KLK2: variants seen among roughly 807,000 people sequenced by gnomAD.
KLK2 encodes kallikrein-2.
In KLK2, 17 loss-of-function variants were observed where a neutral mutation model predicts 23.0. The observed-to-expected ratio is 0.74, with a 90% CI of 0.51 to 1.11. The LOEUF (loss-of-function observed/expected upper bound fraction) is 1.11. Ranked by LOEUF, KLK2 falls within the 50% of genes least tolerant of loss-of-function variation. The pLI is 0.00. For synonymous variants in KLK2, 140 were observed against 124.7 expected (o/e 1.12, Z -0.82); for missense variants, 330 against 325.9 (o/e 1.01, Z -0.10).
At chr19:50,878,015 C>T (rs1465394882) in intron 4 of KLK2, among the ~76,000 whole-genome samples, 2 of 152,158 alleles carry the variant, frequency 1.3e-5, no homozygotes, top group African/African-American at 2.4e-5. Context: ...CTCCATGGCT[C>T]CCCAATGCCC....
chr19:50,876,347 C>A, intron 2 of KLK2, 125 bp from the exon 3 acceptor site: 1 of 804,528 alleles, frequency 1.2e-6, no homozygotes, highest in Non-Finnish European at 2.0e-6. Flanking sequence ...GACTATATCT[C>A]CCCGACCCCT....
chr19:50,873,991 A>C (rs2090257277), intron 1 of KLK2: 1 of 157,852 alleles, frequency 6.3e-6, no homozygotes. Flanking sequence ...AGATTCCACC[A>C]GACACTTCCT....
At chr19:50,873,627 C>G in intron 1 of KLK2, 108 bp downstream of exon 1, 1 of 756,740 alleles carries the variant, frequency 1.3e-6, no homozygotes, top group South Asian at 1.7e-5. Flanking sequence ...ACAGTTCAGC[C>G]CAGACAATGT....
At chr19:50,874,517 A>C in intron 1 of KLK2, 1 of 506,874 alleles carries the variant, frequency 2.0e-6, no homozygotes. Context: ...TCAGAGCATG[A>C]AGCCTCCCGA....
Position 50,880,342 on chromosome 19 carries a change from C to T in KLK2, c.*1783C>T, listed in dbSNP as rs988120779. The T allele has an allele frequency of 1.8e-5, 4 of 224,898 alleles. No individual in the cohort carries two copies. Among genetic ancestry groups the T allele is most frequent in the Admixed American group, 5.7e-5 (1 of 17,478 alleles). 13.9% of individuals were successfully genotyped at this position (224,898 alleles called of 1,614,324 possible). ...AGACGGTGGGGCAAACTCTGATTTC[C>T]GTGGGGGAATGTCATGGTCTTGCTT... On this transcript the variant is annotated 3_prime_UTR_variant, in exon 5 of 5. Coordinates refer to ENST00000325321, the MANE Select transcript of KLK2 (RefSeq NM_005551.5).
Position 50,876,790 on chromosome 19 carries a change from C to T in KLK2, c.493+32C>T, listed in dbSNP as rs372399365. The T allele has an allele frequency of 1.9e-5, 30 of 1,610,372 alleles. No homozygotes were observed. The African/African-American group carries it at 2.8e-4, about 15-fold the overall frequency. ...CTGGGCCAGATGGTGTAGCTGGGAG[C>T]CCAGATGCCTGGGTCTGAGGGAAGT... On this transcript the variant is annotated intron_variant, in intron 3 of 4. Transcript: ENST00000325321.
At position 50,876,774 on chromosome 19, in the gene KLK2, A is replaced by AT; in HGVS notation, c.493+17dup. 6.2e-7 allele frequency: 1 copy of AT among 1,612,992 alleles called. No homozygotes were observed. The highest frequency in any genetic ancestry group is 8.5e-7 in the Non-Finnish European group (1 of 1,179,286). On this transcript the variant is annotated intron_variant, in intron 3 of 4. Coordinates refer to ENST00000325321, the MANE Select transcript of KLK2 (RefSeq NM_005551.5). ...CCAGAGGAGTGTACGCCTGGGCCAG[A>AT]TGGTGTAGCTGGGAGCCCAGATGCC...
At chr19:50,874,351 A>G (rs73592857) in intron 1 of KLK2, 9,057 of 176,442 alleles carry the variant, frequency 0.051, 336 homozygotes, top group African/African-American at 0.098. Flanking sequence ...TGGTTTCTGG[A>G]ACCTCTTATT....
Position 50,876,880 on chromosome 19 carries a change from C to T in KLK2, c.502C>T (p.Pro168Ser), listed in dbSNP as rs770705091. The change falls in exon 4 of 5, where the codon CCC (proline) becomes TCC (serine). Residue 168 changes from proline (P) to serine (S), a missense_variant. Physicochemically the swap from Pro to Ser is moderately conservative, Grantham distance 74 (BLOSUM62 -1). Coordinates refer to ENST00000325321, the MANE Select transcript of KLK2 (RefSeq NM_005551.5). ...GSIEPEEFLRPRSLQCVSLHL... is the reference protein window; with the variant it reads ...GSIEPEEFLRSRSLQCVSLHL... ...TTTTCTCTGACCCATAGTCTTGCGCCCCAGGAGTCTTCAGTGTGTGAGCCT... is the reference window on the plus strand; with the variant it reads ...TTTTCTCTGACCCATAGTCTTGCGCTCCAGGAGTCTTCAGTGTGTGAGCCT... 6.8e-6 allele frequency: 11 copies of T among 1,613,974 alleles called. No homozygotes were observed. In the East Asian group the frequency reaches 2.2e-4, roughly 33 times the overall value.
Position 50,878,605 on chromosome 19 carries a change from A to G in KLK2, c.*46A>G. 1 of 1,569,706 alleles carries G rather than the reference A, an allele frequency of 6.4e-7. No individual in the cohort carries two copies. Among genetic ancestry groups the G allele is most frequent in the South Asian group, 1.2e-5 (1 of 86,120 alleles). On this transcript the variant is annotated 3_prime_UTR_variant, in exon 5 of 5. Transcript: ENST00000325321. ...CCTCTAGTAAATTTAAGTCCACCTC[A>G]CGTTCTGGCATCACTTGGCCTTTCT...
At position 50,880,356 on chromosome 19, in the gene KLK2, A is replaced by G. The variant is rs553168056; in HGVS notation, c.*1797A>G. The G allele has an allele frequency of 1.3e-5, 3 of 223,218 alleles. No homozygotes were observed. Among genetic ancestry groups the G allele is most frequent in the South Asian group, 1.8e-4 (1 of 5,442 alleles). 13.8% of individuals were successfully genotyped at this position (223,218 alleles called of 1,614,324 possible). ...ACTCTGATTTCCGTGGGGGAATGTC[A>G]TGGTCTTGCTTTACTAAGTTTTGAG... On this transcript the variant is annotated 3_prime_UTR_variant, in exon 5 of 5. Transcript: ENST00000325321.
intron 2 of KLK2, chr19:50,876,226 T>A (rs1340342846): frequency 1.8e-6 from 1 of 559,628 alleles, no homozygotes; most frequent in Non-Finnish European, 3.2e-6. Context: ...TTTTTGTCAT[T>A]CCTCTGCCAT....
At chr19:50,874,928 G>A (rs373474572) in intron 2 of KLK2, 48 bp downstream of exon 2, 5 of 1,588,930 alleles carry the variant, frequency 3.1e-6, no homozygotes, top group Non-Finnish European at 4.3e-6. Flanking sequence ...TGTCCCACAG[G>A]AATAACAGCG....
chr19:50,877,940 C>T (rs1600019369), intron 4 of KLK2, among the ~76,000 whole-genome samples: 1 of 152,160 alleles, frequency 6.6e-6, no homozygotes, highest in African/African-American at 2.4e-5. Flanking sequence ...CCACTCCATC[C>T]TCCATCTGGC....
chr19:50,874,044 C>T (rs1411950706), intron 1 of KLK2: 1 of 154,024 alleles, frequency 6.5e-6, no homozygotes, highest in Non-Finnish European at 1.4e-5. Context: ...CAAATGCTGC[C>T]TCCCACCCTG....
Position 50,878,408 on chromosome 19 carries a change from A to T in KLK2, c.635A>T (p.Asp212Val). The change falls in exon 5 of 5, where the codon GAT becomes GTT. Residue 212 changes from aspartate (D) to valine (V), a missense_variant. Coordinates refer to ENST00000325321, the MANE Select transcript of KLK2 (RefSeq NM_005551.5). ...WTGGKDTCGG[D>V]SGGPLVCNGV... The stretch of plus-strand genomic sequence containing the variant: ...TCTCTCCTCCTTTACCCTTAGGGTG[A>T]TTCTGGGGGTCCACTTGTCTGTAAT... 1 of 1,612,748 alleles carries T rather than the reference A, an allele frequency of 6.2e-7. No homozygotes were observed. The highest frequency in any genetic ancestry group is 8.5e-7 in the Non-Finnish European group (1 of 1,179,070).
intron 2 of KLK2, 36 bp downstream of exon 2, chr19:50,874,916 T>C (rs1276170290): frequency 1.2e-5 from 19 of 1,604,510 alleles, no homozygotes; most frequent in Non-Finnish European, 1.4e-5. Flanking sequence ...AGGGAATGGC[T>C]GTGTCCCACA....
intron 2 of KLK2, 82 bp from the exon 3 acceptor site, chr19:50,876,390 T>C: frequency 1.6e-6 from 2 of 1,270,536 alleles, no homozygotes; most frequent in Non-Finnish European, 2.2e-6. Context: ...TTCTTCCCTT[T>C]GGAGTCTCCC....
At position 50,880,150 on chromosome 19, in the gene KLK2, A is replaced by G. The variant is rs1322344404; in HGVS notation, c.*1591A>G. On this transcript the variant is annotated 3_prime_UTR_variant, in exon 5 of 5. Coordinates refer to ENST00000325321, the MANE Select transcript of KLK2 (RefSeq NM_005551.5). ...CACCCTGGGGTTATGAAGATGGTTG[A>G]ACACCCCACACATAGCACCGGAGAT... is the stretch of plus-strand genomic sequence containing the variant. 4.4e-6 allele frequency: 1 copy of G among 229,840 alleles called. No individual in the cohort carries two copies. Among genetic ancestry groups the G allele is most frequent in the Non-Finnish European group, 8.6e-6 (1 of 116,030 alleles). 14.2% of individuals were successfully genotyped at this position (229,840 alleles called of 1,614,324 possible).
Sources: gnomAD v4.1 joint callset for allele counts (sites outside exome capture counted in the v4.1 genomes callset) on GRCh38, gnomAD v4.1.1 for gene constraint, MANE v1.5 for transcripts, NCBI Gene and HGNC (gene_info 2026-07-23, HGNC 2026-07-21) for gene names.